Variants in ASB4 observed in about 807,000 individuals in gnomAD.
ASB4 encodes the protein ankyrin repeat and SOCS box containing 4.
ASB4 carries 35 observed loss-of-function variants against 38.6 expected under a neutral mutation model. The ratio of observed to expected loss-of-function variants is 0.91; its 90% confidence interval spans 0.69 to 1.20. The LOEUF (loss-of-function observed/expected upper bound fraction) is 1.20. ASB4 is among the 50% of genes most tolerant of loss of function. The pLI, the probability that ASB4 is intolerant of heterozygous loss-of-function variation, is 0.00. For missense variants in ASB4, 557 were observed against 527.2 expected (o/e 1.06, Z -0.55); for synonymous variants, 195 against 201.3 (o/e 0.97, Z 0.26).
At chr7:95,522,596 G>C (rs1386313249) in intron 2 of ASB4, among the ~76,000 whole-genome samples, 1 of 152,092 alleles carries the variant, frequency 6.6e-6, no homozygotes, top group Non-Finnish European at 1.5e-5. Flanking sequence ...CTGCAGCATA[G>C]GAAGTGTCTG....
chr7:95,534,745 C>T (rs1790865212), intron 3 of ASB4, among the ~76,000 whole-genome samples: 1 of 152,138 alleles, frequency 6.6e-6, no homozygotes, highest in Admixed American at 6.5e-5. Context: ...TGTGTCTTTT[C>T]TCTTCAACTA....
At chr7:95,516,238 G>A (rs1466157301) in intron 2 of ASB4, among the ~76,000 whole-genome samples, 3 of 152,228 alleles carry the variant, frequency 2.0e-5, no homozygotes, top group South Asian at 2.1e-4. Context: ...CTGATTTCAT[G>A]AGCCCAACAG....
chr7:95,516,124 T>TA (rs985479053), intron 2 of ASB4, among the ~76,000 whole-genome samples: 1 of 152,154 alleles, frequency 6.6e-6, no homozygotes, highest in Non-Finnish European at 1.5e-5. Context: ...TTGTATCTTC[T>TA]AAAAAAATCA....
intron 2 of ASB4, among the ~76,000 whole-genome samples, chr7:95,519,312 T>G (rs755490268): frequency 9.2e-5 from 14 of 151,936 alleles, no homozygotes; most frequent in Non-Finnish European, 1.8e-4. Context: ...ATGCAGAAAA[T>G]GAAAAGCCCT....
the ASB4 span, among the ~76,000 whole-genome samples, chr7:95,548,198 C>T: frequency 2.6e-5 from 4 of 152,254 alleles, no homozygotes; most frequent in South Asian, 2.1e-4. Flanking sequence ...ATGAGAGTTC[C>T]GGTTGCTGTC....
At chr7:95,527,257 C>G (rs920855429) in intron 2 of ASB4, among the ~76,000 whole-genome samples, 9 of 152,088 alleles carry the variant, frequency 5.9e-5, no homozygotes, top group African/African-American at 2.2e-4. Flanking sequence ...GAAAGCCTCA[C>G]AGACTTGGGC....
chr7:95,526,146 T>G (rs1204007157), intron 2 of ASB4, among the ~76,000 whole-genome samples: 1 of 152,184 alleles, frequency 6.6e-6, no homozygotes, highest in Non-Finnish European at 1.5e-5. Flanking sequence ...TGAGGTGGAA[T>G]AGAACAGTGA....
At chr7:95,512,689 C>T (rs1164974465) in intron 2 of ASB4, among the ~76,000 whole-genome samples, 1 of 152,160 alleles carries the variant, frequency 6.6e-6, no homozygotes, top group Admixed American at 6.5e-5. Context: ...TAATATGCCA[C>T]AGAGCAGACT....
chr7:95,474,964 T>C (rs1789962100), upstream of ASB4, among the ~76,000 whole-genome samples: 1 of 152,230 alleles, frequency 6.6e-6, no homozygotes, highest in South Asian at 2.1e-4. Context: ...GGAGGAGGGA[T>C]TCAGGAGATA....
chr7:95,499,367 A>G (rs1790297911), intron 2 of ASB4, among the ~76,000 whole-genome samples: 1 of 152,338 alleles, frequency 6.6e-6, no homozygotes. Flanking sequence ...AGTAAAGGAG[A>G]GTAAGATATA....
chr7:95,470,708 G>T, the ASB4 span, among the ~76,000 whole-genome samples: 3 of 152,088 alleles, frequency 2.0e-5, no homozygotes. Context: ...CAGCTGTGGC[G>T]ACTGAATCTA....
In ASB4 at chr7:95,528,301, A is replaced by G; in HGVS notation, c.976A>G (p.Lys326Glu). 6.2e-7 allele frequency: 1 copy of G among 1,614,064 alleles called. No homozygotes were observed. Residue 326 changes from lysine (K) to glutamate (E), a missense_variant and splice_region_variant, in exon 3 of 5, where the codon AAG becomes GAG. Transcript: ENST00000325885. ...CCGAATATACCCTCCACAGTTCCAT[A>G]AGGTGAGGCTCTGCCCAGTGGTCAG... ...AARIYPPQFH[K>E]VIQACHSCPK...
At chr7:95,523,672 G>A (rs930192333) in intron 2 of ASB4, among the ~76,000 whole-genome samples, 1 of 151,816 alleles carries the variant, frequency 6.6e-6, no homozygotes, top group East Asian at 1.9e-4. Context: ...TTCTATTTTG[G>A]GGGAATTTAT....
intron 1 of ASB4, among the ~76,000 whole-genome samples, chr7:95,492,419 A>G (rs760657389): frequency 1.3e-5 from 2 of 152,170 alleles, no homozygotes; most frequent in Non-Finnish European, 1.5e-5. Context: ...AGGTAATTCT[A>G]TTCTGCTTCC....
At chr7:95,532,250 C>G (rs1415702550) in intron 3 of ASB4, among the ~76,000 whole-genome samples, 2 of 152,136 alleles carry the variant, frequency 1.3e-5, no homozygotes, top group African/African-American at 4.8e-5. Context: ...TTACAAGGAA[C>G]AAGGTCAGAG....
intron 3 of ASB4, among the ~76,000 whole-genome samples, chr7:95,532,448 G>A (rs1204188933): frequency 6.6e-6 from 1 of 152,086 alleles, no homozygotes; most frequent in Non-Finnish European, 1.5e-5. Flanking sequence ...ACCCCAGGGA[G>A]CCAAGATTGG....
chr7:95,502,235 C>T (rs928847435), intron 2 of ASB4, among the ~76,000 whole-genome samples: 1 of 151,990 alleles, frequency 6.6e-6, no homozygotes, highest in African/African-American at 2.4e-5. Context: ...TGATAGCCTT[C>T]ATTGGTAATC....
At chr7:95,505,399 C>G (rs2116606993) in intron 2 of ASB4, among the ~76,000 whole-genome samples, 1 of 151,968 alleles carries the variant, frequency 6.6e-6, no homozygotes, top group African/African-American at 2.4e-5. Flanking sequence ...ATATATTTAG[C>G]AAAAGAGGTG....
chr7:95,522,652 C>G (rs1790680011), intron 2 of ASB4, among the ~76,000 whole-genome samples: 1 of 152,076 alleles, frequency 6.6e-6, no homozygotes, highest in Admixed American at 6.6e-5. Flanking sequence ...CCGTTTAGTA[C>G]CAGTCTCTTT....
Sources: gnomAD v4.1 joint callset for allele counts (sites outside exome capture counted in the v4.1 genomes callset) on GRCh38, gnomAD v4.1.1 for gene constraint, MANE v1.5 for transcripts, NCBI Gene and HGNC (gene_info 2026-07-23, HGNC 2026-07-21) for gene names.